Variants in NREP observed in about 807,000 individuals in gnomAD.
The protein encoded by NREP is neuronal regeneration-related protein.
Under a neutral mutation model 8.6 loss-of-function variants are expected in NREP, and 5 were observed. The ratio of observed to expected loss-of-function variants is 0.58; its 90% CI spans 0.30 to 1.22. NREP has a LOEUF of 1.22. NREP is among the 50% of genes most tolerant of loss of function. The pLI is 0.07. For missense variants in NREP, 86 were observed against 82.5 expected (o/e 1.04, Z -0.17); for synonymous variants, 27 against 28.0 (o/e 0.96, Z 0.11).
At chr5:111,899,267 G>A (rs1754585676) in intron 2 of NREP, among the ~76,000 whole-genome samples, 1 of 152,074 alleles carries the variant, frequency 6.6e-6, no homozygotes, top group Non-Finnish European at 1.5e-5. Flanking sequence ...ACAAAACAAA[G>A]GATATACAGA....
intron 2 of NREP, among the ~76,000 whole-genome samples, chr5:111,839,127 T>A (rs1017005381): frequency 6.6e-6 from 1 of 152,268 alleles, no homozygotes; most frequent in East Asian, 1.9e-4. Context: ...TCAGACTTCA[T>A]CTTCATTGTT....
intron 2 of NREP, among the ~76,000 whole-genome samples, chr5:111,959,063 T>C (rs1260264743): frequency 6.6e-6 from 1 of 151,850 alleles, no homozygotes; most frequent in African/African-American, 2.4e-5. Flanking sequence ...ATTAGATTGG[T>C]TAGGAAACTA....
Position 111,804,730 on chromosome 5 carries a change from A to G in NREP, c.136-69223T>C, listed in dbSNP as rs572792631. On this transcript the variant is annotated intron_variant, in intron 2 of 3. Transcript: ENST00000395634. ...AAAAACAAACAAACAGAGCCCGCGC[A>G]GTGGCTCACGCCTGTAGTCCCAGCA... 6.8e-3 allele frequency among the ~76,000 whole-genome samples: 1,034 copies of G among 152,108 alleles called. 9 individuals carry two copies. The highest frequency in any genetic ancestry group is 0.031 in the Middle Eastern group (9 of 294).
intron 2 of NREP, among the ~76,000 whole-genome samples, chr5:111,871,088 G>GTGTGTGTC (rs1753780015): frequency 6.6e-6 from 1 of 150,722 alleles, no homozygotes; most frequent in Non-Finnish European, 1.5e-5. Context: ...GTGTGTGTGT[G>GTGTGTGTC]TAGTCATGCA....
chr5:111,866,907 A>G (rs1404215641), intron 2 of NREP, among the ~76,000 whole-genome samples: 3 of 151,226 alleles, frequency 2.0e-5, no homozygotes, highest in Non-Finnish European at 4.4e-5. Flanking sequence ...AAAAAACCAA[A>G]CACCGCATGT....
chr5:111,829,696 T>G (rs1010692167), intron 2 of NREP, among the ~76,000 whole-genome samples: 3 of 152,196 alleles, frequency 2.0e-5, no homozygotes, highest in Non-Finnish European at 4.4e-5. Context: ...GTCTAGACTT[T>G]ACCTGAACTC....
At chr5:111,901,754 T>C (rs1754652536) in intron 2 of NREP, among the ~76,000 whole-genome samples, 1 of 151,972 alleles carries the variant, frequency 6.6e-6, no homozygotes, top group Non-Finnish European at 1.5e-5. Context: ...GCCAAGAAAG[T>C]GAAAACCTCA....
At chr5:111,755,727 T>C (rs772922365) in intron 2 of NREP, 43 bp downstream of exon 2, 13 of 1,606,036 alleles carry the variant, frequency 8.1e-6, no homozygotes, top group Admixed American at 3.3e-5. Context: ...TGTAACAGAC[T>C]GGTAAGAAGT....
chr5:111,800,970 T>C (rs927222970), intron 2 of NREP, among the ~76,000 whole-genome samples: 18 of 152,152 alleles, frequency 1.2e-4, no homozygotes, highest in Admixed American at 3.9e-4. Flanking sequence ...TGTTAGCTAA[T>C]TGGCTTTAGC....
At chr5:111,734,781 T>C in intron 3 of NREP, 2 of 690,926 alleles carry the variant, frequency 2.9e-6, no homozygotes, top group Non-Finnish European at 2.6e-6. Context: ...AAGTATACTC[T>C]CCCCGCTTGA....
chr5:111,790,827 T>C (rs908373475), intron 2 of NREP, among the ~76,000 whole-genome samples: 5 of 152,154 alleles, frequency 3.3e-5, no homozygotes, highest in African/African-American at 9.7e-5. Flanking sequence ...TTAAATTGTA[T>C]AGCTCCACTT....
chr5:111,802,399 C>T (rs751059317), intron 2 of NREP, among the ~76,000 whole-genome samples: 2 of 152,038 alleles, frequency 1.3e-5, no homozygotes, highest in African/African-American at 2.4e-5. Context: ...TAGGGTGAAG[C>T]CTAGTCTTGA....
intron 2 of NREP, among the ~76,000 whole-genome samples, chr5:111,866,375 A>G (rs974855010): frequency 2.0e-5 from 3 of 152,220 alleles, no homozygotes; most frequent in Non-Finnish European, 4.4e-5. Context: ...ACATTTATGC[A>G]GGCAAAAGAC....
chr5:111,825,285 G>A (rs1752596806), intron 2 of NREP, among the ~76,000 whole-genome samples: 1 of 152,100 alleles, frequency 6.6e-6, no homozygotes, highest in South Asian at 2.1e-4. Flanking sequence ...TCATATCAAA[G>A]CAAAGTGCTC....
intron 2 of NREP, among the ~76,000 whole-genome samples, chr5:111,894,282 G>T (rs954389370): frequency 6.6e-6 from 1 of 151,980 alleles, no homozygotes; most frequent in Admixed American, 6.5e-5. Context: ...ATTTATCTTA[G>T]TTCAAGTGTA....
chr5:111,750,304 G>A (rs527396219), intron 2 of NREP, among the ~76,000 whole-genome samples: 1 of 152,112 alleles, frequency 6.6e-6, no homozygotes, highest in Non-Finnish European at 1.5e-5. Flanking sequence ...TATAAGGACT[G>A]GTCCTAAGTC....
intron 2 of NREP, among the ~76,000 whole-genome samples, chr5:111,796,583 A>G (rs1034261591): frequency 6.6e-6 from 1 of 152,212 alleles, no homozygotes; most frequent in African/African-American, 2.4e-5. Flanking sequence ...CAGAGATTAC[A>G]AGGTTAGTCA....
At chr5:111,742,969 A>G (rs1423631259) in intron 2 of NREP, among the ~76,000 whole-genome samples, 4 of 152,108 alleles carry the variant, frequency 2.6e-5, no homozygotes, top group Admixed American at 2.0e-4. Flanking sequence ...TGTGGACTGG[A>G]CTCAAGGAAT....
At chr5:111,815,425 T>C (rs1005280542) in intron 2 of NREP, among the ~76,000 whole-genome samples, 1 of 152,186 alleles carries the variant, frequency 6.6e-6, no homozygotes, top group Non-Finnish European at 1.5e-5. Context: ...CTTATGTAAT[T>C]TTATTAAAAA....
Sources: gnomAD v4.1 joint callset for allele counts (sites outside exome capture counted in the v4.1 genomes callset) on GRCh38, gnomAD v4.1.1 for gene constraint, MANE v1.5 for transcripts, NCBI Gene and HGNC (gene_info 2026-07-23, HGNC 2026-07-21) for gene names.